SUMF1: variants seen among roughly 807,000 people sequenced by gnomAD.
SUMF1 encodes sulfatase modifying factor 1.
A neutral mutation model predicts 47.6 loss-of-function variants in SUMF1; 48 were observed. That is an observed-to-expected ratio of 1.01 (90% CI 0.80 to 1.28). The LOEUF is 1.28. SUMF1 is among the 50% of genes most tolerant of loss of function. The pLI, the probability that SUMF1 is intolerant of heterozygous loss-of-function variation, is 0.00. For synonymous variants in SUMF1, 230 were observed against 192.1 expected (o/e 1.20, Z -1.63); for missense variants, 571 against 485.4 (o/e 1.18, Z -1.66).
At chr3:4,192,659 C>G (rs572908531) in intron 8 of SUMF1, among the ~76,000 whole-genome samples, 51 of 152,156 alleles carry the variant, frequency 3.4e-4, no homozygotes, top group African/African-American at 1.2e-3. Context: ...TTGCATAATA[C>G]ATGTTTTATG....
chr3:4,423,030 G>A (rs2125050744), intron 3 of SUMF1, among the ~76,000 whole-genome samples: 1 of 152,212 alleles, frequency 6.6e-6, no homozygotes, highest in South Asian at 2.1e-4. Context: ...GAGAACATAT[G>A]TTGTTTGGTT....
chr3:4,228,933 T>C (rs1205417144), intron 8 of SUMF1, among the ~76,000 whole-genome samples: 1 of 152,062 alleles, frequency 6.6e-6, no homozygotes, highest in Non-Finnish European at 1.5e-5. Context: ...AGGTGAATTA[T>C]TGTAACTAAG....
chr3:4,060,219 T>C (rs937657073), intron 9 of SUMF1, among the ~76,000 whole-genome samples: 1 of 152,206 alleles, frequency 6.6e-6, no homozygotes, highest in African/African-American at 2.4e-5. Context: ...ATTAGCGATT[T>C]CTGAACTTAC....
intron 9 of SUMF1, among the ~76,000 whole-genome samples, chr3:4,056,403 G>T (rs1202644387): frequency 6.6e-6 from 1 of 152,080 alleles, no homozygotes; most frequent in Non-Finnish European, 1.5e-5. Flanking sequence ...GTCAGACATG[G>T]TGGTTCATGC....
chr3:4,247,793 A>G (rs1280047387), intron 8 of SUMF1, among the ~76,000 whole-genome samples: 1 of 152,214 alleles, frequency 6.6e-6, no homozygotes, highest in African/African-American at 2.4e-5. Context: ...GTCCTTACAA[A>G]GCCCACTGAT....
chr3:4,348,710 CA>C (rs776215852), intron 8 of SUMF1, among the ~76,000 whole-genome samples: 10,691 of 132,658 alleles, frequency 0.081, 744 homozygotes, highest in African/African-American at 0.19. Context: ...ACTAAAAATA[CA>C]AAAAAAAAAA....
intron 8 of SUMF1, among the ~76,000 whole-genome samples, chr3:4,326,971 G>C (rs1178330529): frequency 6.6e-6 from 1 of 152,126 alleles, no homozygotes; most frequent in African/African-American, 2.4e-5. Context: ...GATTCTTGCT[G>C]AACTTATGCA....
intron 8 of SUMF1, among the ~76,000 whole-genome samples, chr3:4,121,983 G>C (rs568420826): frequency 1.1e-4 from 17 of 152,062 alleles, no homozygotes; most frequent in Admixed American, 6.6e-4. Flanking sequence ...TTCTGTTCCT[G>C]TGTTAATTTG....
intron 8 of SUMF1, among the ~76,000 whole-genome samples, chr3:4,222,130 G>C (rs555998053): frequency 2.6e-5 from 4 of 152,164 alleles, no homozygotes; most frequent in Admixed American, 1.3e-4. Flanking sequence ...GTAACTGGAA[G>C]AGCATGTACC....
chr3:4,440,234 ACT>A (rs1473155336), intron 3 of SUMF1, among the ~76,000 whole-genome samples: 2 of 113,476 alleles, frequency 1.8e-5, no homozygotes, highest in Admixed American at 1.1e-4. Flanking sequence ...CAAGAGCGAG[ACT>A]CTGTCTCAAA....
downstream of SUMF1, among the ~76,000 whole-genome samples, chr3:4,356,650 G>A (rs1220349644): frequency 2.6e-5 from 4 of 151,656 alleles, no homozygotes; most frequent in African/African-American, 7.3e-5. Flanking sequence ...CTGGCACCCC[G>A]CAGATGAAAC....
chr3:4,321,151 T>C (rs148630200), intron 8 of SUMF1, among the ~76,000 whole-genome samples: 9 of 152,256 alleles, frequency 5.9e-5, no homozygotes, highest in South Asian at 4.1e-4. Context: ...AATGGATCAA[T>C]TGGAGACATC....
intron 7 of SUMF1, among the ~76,000 whole-genome samples, chr3:4,391,887 G>C (rs1449818062): frequency 4.0e-5 from 6 of 150,964 alleles, no homozygotes; most frequent in Non-Finnish European, 1.5e-5. Context: ...GAGTGCATTG[G>C]TGCAATCTTG....
rs1479501860 is a variant in SUMF1, at chr3:4,355,656, A to G, written c.1014+20674T>C. Among the ~76,000 whole-genome samples, 3 of 152,222 alleles carry G rather than the reference A, an allele frequency of 2.0e-5. No individual in the cohort carries two copies. The East Asian group carries it at 5.8e-4, about 29-fold the overall frequency. ...TTCTAGCATTACCCTGTTGAGGTCCAAGCTAATATGCTAGAAAAGAGTTGC... is the reference window on the plus strand; with the variant it reads ...TTCTAGCATTACCCTGTTGAGGTCCGAGCTAATATGCTAGAAAAGAGTTGC... On this transcript the variant is annotated intron_variant and NMD_transcript_variant, in intron 8 of 12. Coordinates refer to the SUMF1 transcript ENST00000448413.
chr3:4,077,419 A>G (rs546317323), intron 8 of SUMF1, among the ~76,000 whole-genome samples: 2 of 152,288 alleles, frequency 1.3e-5, no homozygotes, highest in African/African-American at 2.4e-5. Context: ...ATGTCCATCA[A>G]TAATAGACTG....
intron 8 of SUMF1, among the ~76,000 whole-genome samples, chr3:4,095,813 TTTA>T (rs1692890859): frequency 6.6e-6 from 1 of 152,176 alleles, no homozygotes; most frequent in Non-Finnish European, 1.5e-5. Flanking sequence ...TTTACATAAC[TTTA>T]TTATTTCTTG....
intron 8 of SUMF1, among the ~76,000 whole-genome samples, chr3:4,186,477 GT>G (rs1324394381): frequency 2.0e-5 from 3 of 152,018 alleles, no homozygotes; most frequent in Non-Finnish European, 4.4e-5. Flanking sequence ...ATGTTGCTTG[GT>G]AAGAAATAAT....
intron 8 of SUMF1, among the ~76,000 whole-genome samples, chr3:4,141,838 C>T (rs991920848): frequency 1.1e-4 from 16 of 152,114 alleles, no homozygotes; most frequent in African/African-American, 3.4e-4. Flanking sequence ...TGAAACTATA[C>T]GTCTCCAGCA....
At chr3:4,055,454 AT>A (rs1695175033) in intron 9 of SUMF1, among the ~76,000 whole-genome samples, 1 of 152,024 alleles carries the variant, frequency 6.6e-6, no homozygotes, top group African/African-American at 2.4e-5. Context: ...AACCACACAA[AT>A]TTAGTATCTG....
Sources: allele counts gnomAD v4.1 joint callset (sites outside exome capture counted in the v4.1 genomes callset), GRCh38; gene constraint gnomAD v4.1.1; transcripts MANE v1.5; gene names NCBI Gene and HGNC (gene_info 2026-07-23, HGNC 2026-07-21).